Variants in WASF2 observed in about 807,000 individuals in gnomAD.
The protein encoded by WASF2 is WASP family member 2, also known as actin-binding protein WASF2.
In WASF2, 14 loss-of-function variants were observed where a neutral mutation model predicts 45.0. That is an observed-to-expected ratio of 0.31 (90% CI 0.21 to 0.49). The LOEUF is 0.49. Among genes scored for constraint, WASF2 ranks in the 20% least tolerant of loss-of-function variants. WASF2 has a pLI of 0.99. For missense variants in WASF2, 439 were observed against 636.1 expected (o/e 0.69, Z 3.33); for synonymous variants, 200 against 236.3 (o/e 0.85, Z 1.41).
chr1:27,451,788 T>C lies in WASF2; in HGVS notation c.-43-22855A>G, dbSNP rs79136633. Among the ~76,000 whole-genome samples, 1,149 of 152,314 alleles carry C rather than the reference T, an allele frequency of 7.5e-3. 15 individuals carry two copies. The highest frequency in any genetic ancestry group is 0.027 in the African/African-American group (1,104 of 41,566). On this transcript the variant is annotated intron_variant, in intron 1 of 8. Transcript: ENST00000618852. Reference sequence around the variant, plus strand: ...TCTTCCTTGAACAATTAAATTACAGTAGTCACCCCTTATCCTCAGAACATA... The same window carrying C: ...TCTTCCTTGAACAATTAAATTACAGCAGTCACCCCTTATCCTCAGAACATA...
intron 1 of WASF2, among the ~76,000 whole-genome samples, chr1:27,444,044 C>T (rs1396623299): frequency 3.3e-5 from 5 of 152,170 alleles, no homozygotes; most frequent in African/African-American, 1.2e-4. Context: ...CTCTCAAAGT[C>T]CTGGGATTAC....
intron 1 of WASF2, among the ~76,000 whole-genome samples, chr1:27,471,640 A>C (rs964451723): frequency 6.6e-6 from 1 of 152,130 alleles, no homozygotes; most frequent in African/African-American, 2.4e-5. Context: ...ACACACACAC[A>C]CACAAAGAGT....
chr1:27,480,628 C>A (rs1261654181), intron 1 of WASF2, among the ~76,000 whole-genome samples: 1 of 152,096 alleles, frequency 6.6e-6, no homozygotes, highest in Non-Finnish European at 1.5e-5. Context: ...GGTTTCAAAT[C>A]AAAATACTTG....
intron 7 of WASF2, among the ~76,000 whole-genome samples, chr1:27,411,794 C>T (rs1316046464): frequency 6.6e-6 from 1 of 152,142 alleles, no homozygotes; most frequent in Non-Finnish European, 1.5e-5. Flanking sequence ...ACCCGGGAGG[C>T]GGAGCTTGCA....
intron 3 of WASF2, 107 bp from the exon 4 acceptor site, chr1:27,418,529 T>A: frequency 1.4e-6 from 2 of 1,464,866 alleles, no homozygotes; most frequent in Non-Finnish European, 1.9e-6. Context: ...TGGCTGTGGC[T>A]GTCCGCAGCC....
At chr1:27,481,757 T>A (rs2017853403) in intron 1 of WASF2, among the ~76,000 whole-genome samples, 1 of 152,096 alleles carries the variant, frequency 6.6e-6, no homozygotes, top group South Asian at 2.1e-4. Context: ...AAGAAACTAT[T>A]TTGTTCAAAT....
intron 1 of WASF2, among the ~76,000 whole-genome samples, 153 bp downstream of exon 1, chr1:27,489,833 G>A (rs1033086581): frequency 2.0e-5 from 3 of 152,144 alleles, no homozygotes; most frequent in Non-Finnish European, 2.9e-5. Flanking sequence ...GGACTAAGAC[G>A]CCACCCCGCG....
intron 1 of WASF2, among the ~76,000 whole-genome samples, chr1:27,473,459 A>T (rs2017721012): frequency 6.7e-6 from 1 of 150,242 alleles, no homozygotes; most frequent in Non-Finnish European, 1.5e-5. Flanking sequence ...CATGGCCAAA[A>T]AAAAAAAAAA....
intron 1 of WASF2, among the ~76,000 whole-genome samples, chr1:27,449,554 G>C (rs536136554): frequency 7.8e-4 from 119 of 151,860 alleles, no homozygotes; most frequent in Middle Eastern, 3.4e-3. Context: ...AGCTGAGATC[G>C]GGCCATTGCA....
rs568753616 is a variant in WASF2 at position 27,406,510 on chromosome 1, T to G, written c.*1679A>C. On this transcript the variant is annotated 3_prime_UTR_variant, in exon 9 of 9. Transcript: ENST00000618852. ...GGGCTTTGGCAATTACTACAACCAT[T>G]TGCTGTGCTGGGTAGGGACAGATCC... 15 of 152,814 alleles carry G rather than the reference T, an allele frequency of 9.8e-5. No individual in the cohort carries two copies. The highest frequency in any genetic ancestry group is 3.6e-4 in the African/African-American group (15 of 41,568). The allele number at this position is 152,814 out of a possible 1,614,324, so 9.5% of individuals were successfully genotyped here.
At chr1:27,484,529 C>T (rs1018845545) in intron 1 of WASF2, among the ~76,000 whole-genome samples, 4 of 152,120 alleles carry the variant, frequency 2.6e-5, no homozygotes, top group African/African-American at 7.2e-5. Context: ...TACTCTAGGC[C>T]GGGCGCGGTG....
intron 1 of WASF2, among the ~76,000 whole-genome samples, chr1:27,448,448 A>G (rs1347909649): frequency 6.6e-6 from 1 of 152,226 alleles, no homozygotes; most frequent in African/African-American, 2.4e-5. Flanking sequence ...AAGAAATAAA[A>G]AGTGATGAAA....
At chr1:27,460,545 A>G (rs1208265409) in intron 1 of WASF2, among the ~76,000 whole-genome samples, 1 of 152,216 alleles carries the variant, frequency 6.6e-6, no homozygotes, top group East Asian at 1.9e-4. Flanking sequence ...ACCTTGGTTT[A>G]CATCAATCAT....
chr1:27,474,443 C>T (rs1030348878), intron 1 of WASF2, among the ~76,000 whole-genome samples: 1 of 151,872 alleles, frequency 6.6e-6, no homozygotes, highest in African/African-American at 2.4e-5. Flanking sequence ...CAAGAATAGC[C>T]TAGGCAACAT....
intron 1 of WASF2, among the ~76,000 whole-genome samples, chr1:27,476,952 T>C (rs1013186846): frequency 3.3e-5 from 5 of 152,306 alleles, no homozygotes; most frequent in African/African-American, 9.6e-5. Context: ...TATCAAACGA[T>C]GAGCTCTAAA....
At chr1:27,469,898 C>T (rs1444366566) in intron 1 of WASF2, among the ~76,000 whole-genome samples, 8 of 151,880 alleles carry the variant, frequency 5.3e-5, no homozygotes, top group East Asian at 3.9e-4. Flanking sequence ...GAGCAGAGAT[C>T]GCACCACCAC....
intron 1 of WASF2, among the ~76,000 whole-genome samples, chr1:27,439,860 TG>T (rs2017184906): frequency 6.6e-6 from 1 of 151,822 alleles, no homozygotes; most frequent in South Asian, 2.1e-4. Context: ...GTTAGCCAGG[TG>T]TAGTGGTACA....
At chr1:27,422,184 C>T (rs2016917154) in intron 2 of WASF2, among the ~76,000 whole-genome samples, 1 of 152,024 alleles carries the variant, frequency 6.6e-6, no homozygotes, top group Admixed American at 6.5e-5. Context: ...CACAGAACCT[C>T]AACATATAAA....
rs1165054036 is a variant in WASF2 at position 27,410,513 on chromosome 1, CT to C, written c.825-308del. 6.6e-6 allele frequency among the ~76,000 whole-genome samples: 1 copy of C among 152,190 alleles called. No individual in the cohort carries two copies. The highest frequency in any genetic ancestry group is 1.5e-5 in the Non-Finnish European group (1 of 68,036). ...GAGACATCTCTTCGGCCCCCTCTGC[CT>C]TTCCAGCTCTAAGGGGAAGGCACCC... is the stretch of plus-strand genomic sequence containing the variant. On this transcript the variant is annotated intron_variant, in intron 7 of 8. Coordinates refer to ENST00000618852, the MANE Select transcript of WASF2 (RefSeq NM_006990.5). This position sits in a 1 kb window ranked among gnomAD's most constrained non-coding sequence, Gnocchi z 4.2.
Sources: gnomAD v4.1 joint callset for allele counts (sites outside exome capture counted in the v4.1 genomes callset) on GRCh38, gnomAD v4.1.1 for gene constraint, Gnocchi (gnomAD v3.1) non-coding constraint, MANE v1.5 for transcripts, NCBI Gene and HGNC (gene_info 2026-07-23, HGNC 2026-07-21) for gene names.